UBE3A: variants seen among roughly 807,000 people sequenced by gnomAD.
UBE3A encodes the protein ubiquitin-protein ligase E3A.
Under a neutral mutation model 83.4 loss-of-function variants are expected in UBE3A, and 6 were observed. That is an observed-to-expected ratio of 0.07 (90% CI 0.04 to 0.14). The LOEUF is 0.14. Among genes scored for constraint, UBE3A ranks in the 10% least tolerant of loss-of-function variants. The pLI is 1.00. For missense variants in UBE3A, 456 were observed against 1,036.1 expected, an observed-to-expected ratio of 0.44 and a Z score of 7.69; for synonymous variants, 337 against 355.4, an observed-to-expected ratio of 0.95 and a Z score of 0.58.
At position 25,438,771 on chromosome 15, in the gene UBE3A, G is replaced by A. The variant is rs939428129; in HGVS notation, c.-447C>T. 8 of 152,416 alleles carry A rather than the reference G, an allele frequency of 5.2e-5. No homozygotes were observed. The highest frequency in any genetic ancestry group is 8.8e-5 in the Non-Finnish European group (6 of 68,208). 9.4% of individuals were successfully genotyped at this position (152,416 alleles called of 1,614,324 possible). A position where few individuals can be genotyped will look rare whatever the true frequency, so the allele number is the denominator to read the frequency against. On this transcript the variant is annotated 5_prime_UTR_variant, in exon 1 of 13. Coordinates refer to ENST00000648336, the MANE Select transcript of UBE3A (RefSeq NM_130839.5). ...AGGCCGCGAGCTATTCCGAGGAGGA[G>A]CCGAAGGAGGCGCCGCCGCCCGCAG...
rs778892960 is a variant in UBE3A at position 25,371,322 on chromosome 15, G to A, written c.852C>T (p.Phe284=). Residue 284 remains phenylalanine (F), a synonymous_variant, in exon 6 of 13, where the codon TTC becomes TTT. Coordinates refer to ENST00000648336, the MANE Select transcript of UBE3A (RefSeq NM_130839.5). This position sits in a 1 kb window ranked among gnomAD's most constrained non-coding sequence, Gnocchi z 5.3. ...YSRDPNYLNL[F]IIVMENRNLH... is the part of the protein sequence containing the mutation. ...GATTTCTATTCTCCATTACGATAAT[G>A]AACAAATTCAGATAATTAGGATCTC... is the stretch of plus-strand genomic sequence containing the variant. 1 of 1,614,058 alleles carries A rather than the reference G, an allele frequency of 6.2e-7. No individual in the cohort carries two copies. Among genetic ancestry groups the A allele is most frequent in the South Asian group, 1.1e-5 (1 of 91,048 alleles).
chr15:25,339,460 T>C, intron 12 of UBE3A: 1 of 525,586 alleles, frequency 1.9e-6, no homozygotes, highest in East Asian at 3.7e-5. Flanking sequence ...GTGACGATGA[T>C]AAGATACTGT....
At chr15:25,384,856 GAA>G (rs1427581027) in intron 4 of UBE3A, among the ~76,000 whole-genome samples, 1 of 152,146 alleles carries the variant, frequency 6.6e-6, no homozygotes, top group Non-Finnish European at 1.5e-5. Flanking sequence ...CAGAAATAGG[GAA>G]AAGAGGTTCT....
intron 4 of UBE3A, among the ~76,000 whole-genome samples, chr15:25,399,723 C>T (rs562466805): frequency 8.6e-5 from 13 of 150,900 alleles, no homozygotes; most frequent in South Asian, 2.1e-4. Flanking sequence ...TACACAGCAC[C>T]GCGCCTGGCT....
chr15:25,429,934 G>A (rs1018944794), intron 1 of UBE3A, among the ~76,000 whole-genome samples: 3 of 146,164 alleles, frequency 2.1e-5, no homozygotes, highest in Non-Finnish European at 3.0e-5. Flanking sequence ...GAACCCAGGA[G>A]GCGGAGGCTG....
intron 4 of UBE3A, among the ~76,000 whole-genome samples, chr15:25,400,639 G>A (rs889506166): frequency 2.6e-5 from 4 of 151,936 alleles, no homozygotes; most frequent in Admixed American, 6.6e-5. Flanking sequence ...GAAATTCTAC[G>A]GATTTTTGTA....
Position 25,393,203 on chromosome 15 carries a change from T to C in UBE3A, c.62+12258A>G, listed in dbSNP as rs987750514. On this transcript the variant is annotated intron_variant, in intron 4 of 12. Transcript: ENST00000648336. The stretch of plus-strand genomic sequence containing the variant: ...AGTAGGAAGAAAAAAAAAGATGAAA[T>C]TGACCCAGGAAATATTTAAAATAAG... Among the ~76,000 whole-genome samples, 7 of 152,046 alleles carry C rather than the reference T, an allele frequency of 4.6e-5. No individual in the cohort carries two copies. In the East Asian group the frequency reaches 9.6e-4, roughly 21 times the overall value.
chr15:25,369,067 C>G (rs893523526), intron 6 of UBE3A, among the ~76,000 whole-genome samples: 3 of 152,072 alleles, frequency 2.0e-5, no homozygotes, highest in Non-Finnish European at 4.4e-5. Context: ...ATAGACAGAC[C>G]TCAACATACC....
chr15:25,372,009 A>C (rs1413682717), intron 5 of UBE3A, among the ~76,000 whole-genome samples, 197 bp from the exon 6 acceptor site: 1 of 152,102 alleles, frequency 6.6e-6, no homozygotes, highest in African/African-American at 2.4e-5. Context: ...TGAACTACCT[A>C]CCTATACCAA....
At chr15:25,386,657 G>A (rs2083195452) in intron 4 of UBE3A, among the ~76,000 whole-genome samples, 1 of 151,818 alleles carries the variant, frequency 6.6e-6, no homozygotes, top group African/African-American at 2.4e-5. Flanking sequence ...ATAAAACGTT[G>A]TAATTACAGA....
chr15:25,430,027 C>CTATATATATATATATATATATATA (rs199950859), intron 1 of UBE3A, among the ~76,000 whole-genome samples: 1 of 66,222 alleles, frequency 1.5e-5, no homozygotes, highest in African/African-American at 1.2e-4. Context: ...AAAAAAAAAC[C>CTATATATATATATATATATATATA]TATATATATA....
chr15:25,366,542 T>C (rs1022950978), intron 6 of UBE3A, among the ~76,000 whole-genome samples: 3 of 152,162 alleles, frequency 2.0e-5, no homozygotes, highest in African/African-American at 4.8e-5. Context: ...ATTTTTGAAC[T>C]TCCCTATTCA....
rs148171142 is a variant in UBE3A at position 25,428,556 on chromosome 15, T to C, written c.-165+9933A>G. 3.5e-3 allele frequency among the ~76,000 whole-genome samples: 533 copies of C among 152,330 alleles called. 3 individuals carry two copies. Among genetic ancestry groups the C allele is most frequent in the African/African-American group, 0.012 (512 of 41,574 alleles). ...AGAAGGTTGGATGAAATGATCTTCA[T>C]GGTCCTTTTCAACATAAATGTTGTA... On this transcript the variant is annotated intron_variant, in intron 1 of 12. Transcript: ENST00000648336.
intron 11 of UBE3A, among the ~76,000 whole-genome samples, chr15:25,345,382 TA>T (rs1220060517): frequency 6.6e-6 from 1 of 151,734 alleles, no homozygotes; most frequent in Non-Finnish European, 1.5e-5. Flanking sequence ...AGGTCAGTAA[TA>T]AAAACCAAAA....
Position 25,337,183 on chromosome 15 carries a change from T to C in UBE3A, c.*1954A>G, listed in dbSNP as rs1381039582. 6.6e-6 allele frequency: 1 copy of C among 152,200 alleles called. No individual in the cohort carries two copies. Among genetic ancestry groups the C allele is most frequent in the Non-Finnish European group, 1.5e-5 (1 of 68,022 alleles). 9.4% of individuals were successfully genotyped at this position (152,200 alleles called of 1,614,324 possible). ...TTTAAAACTTGTCATATGGATACGT[T>C]ATTACAATTGTAGAACTTTAATAAA... On this transcript the variant is annotated 3_prime_UTR_variant, in exon 13 of 13. Transcript: ENST00000648336.
At chr15:25,367,702 A>C (rs1281703051) in intron 6 of UBE3A, among the ~76,000 whole-genome samples, 1 of 152,146 alleles carries the variant, frequency 6.6e-6, no homozygotes, top group Non-Finnish European at 1.5e-5. Flanking sequence ...TCCTACAATC[A>C]GAGATTAGTG....
chr15:25,398,767 T>TTTTATATATATATA (rs1555415650), intron 4 of UBE3A, among the ~76,000 whole-genome samples: 5 of 67,152 alleles, frequency 7.4e-5, no homozygotes, highest in African/African-American at 1.5e-4. Flanking sequence ...TTTTATTCTT[T>TTTTATATATATATA]TATTTATATA....
intron 6 of UBE3A, among the ~76,000 whole-genome samples, chr15:25,368,219 ACTTT>A (rs1186457890): frequency 6.6e-6 from 1 of 152,108 alleles, no homozygotes; most frequent in East Asian, 1.9e-4. Context: ...ATCTTAAACC[ACTTT>A]CTATTATAGA....
chr15:25,389,166 G>A (rs1350576437), intron 4 of UBE3A, among the ~76,000 whole-genome samples: 3 of 152,048 alleles, frequency 2.0e-5, no homozygotes, highest in Non-Finnish European at 4.4e-5. Flanking sequence ...CATAGTCAAA[G>A]GAGCAATGGC....
Sources: allele counts gnomAD v4.1 joint callset (sites outside exome capture counted in the v4.1 genomes callset), GRCh38; gene constraint gnomAD v4.1.1; non-coding constraint Gnocchi (gnomAD v3.1); transcripts MANE v1.5; gene names NCBI Gene and HGNC (gene_info 2026-07-23, HGNC 2026-07-21).